CDCA5: variants seen among roughly 807,000 people sequenced by gnomAD.
CDCA5 encodes sororin.
In CDCA5, 14 loss-of-function variants were observed where a neutral mutation model predicts 25.7. The ratio of observed to expected loss-of-function variants is 0.54; its 90% CI spans 0.36 to 0.85. The LOEUF (loss-of-function observed/expected upper bound fraction) is 0.85. Ranked by LOEUF, CDCA5 falls within the 40% of genes least tolerant of loss-of-function variation. The pLI is 0.01. For missense variants in CDCA5, 307 were observed against 324.5 expected (o/e 0.95, Z 0.41); for synonymous variants, 127 against 128.7 (o/e 0.99, Z 0.09).
At chr11:65,077,007 G>C (rs895090252), downstream of CDCA5, among the ~76,000 whole-genome samples, 2 of 152,192 alleles carry the variant, frequency 1.3e-5, no homozygotes, top group African/African-American at 4.8e-5. Context: ...GGCAGGACAG[G>C]CCAGGCGCAG....
intron 4 of CDCA5, 35 bp from the exon 5 acceptor site, chr11:65,079,822 CT>C: frequency 7.1e-7 from 1 of 1,402,946 alleles, no homozygotes; most frequent in Non-Finnish European, 9.4e-7. Context: ...GCCCTCAATA[CT>C]TAGCTGGACT....
intron 1 of CDCA5, among the ~76,000 whole-genome samples, chr11:65,070,893 A>G (rs1435662014): frequency 2.0e-5 from 3 of 151,980 alleles, no homozygotes; most frequent in East Asian, 1.9e-4. Flanking sequence ...CCAAAATGCT[A>G]CAGTGAATGT....
downstream of CDCA5, among the ~76,000 whole-genome samples, chr11:65,076,833 C>G (rs1164271969): frequency 6.6e-6 from 1 of 152,158 alleles, no homozygotes; most frequent in Non-Finnish European, 1.5e-5. Context: ...TCAAAGGAGC[C>G]TGAAAGGGAA....
Position 65,083,919 on chromosome 11 carries a change from C to T in CDCA5, c.46+14G>A. On this transcript the variant is annotated intron_variant, in intron 1 of 5. Transcript: ENST00000275517. Reference sequence around the variant, plus strand: ...ACGGCTCGACCTCACGTCTCCCGCGCGCCCTCCGCTCACCGGAGCGCTGAG... The same window carrying T: ...ACGGCTCGACCTCACGTCTCCCGCGTGCCCTCCGCTCACCGGAGCGCTGAG... 6.2e-7 allele frequency: 1 copy of T among 1,609,624 alleles called. No homozygotes were observed.
chr11:65,081,039 T>G (rs1003048378), intron 4 of CDCA5, among the ~76,000 whole-genome samples: 1 of 152,138 alleles, frequency 6.6e-6, no homozygotes, highest in Admixed American at 6.5e-5. Flanking sequence ...GCAACAACCC[T>G]GAGGCCACAG....
chr11:65,067,971 C>T, intron 3 of CDCA5: 6 of 1,177,302 alleles, frequency 5.1e-6, no homozygotes, highest in Non-Finnish European at 6.8e-6. Flanking sequence ...TTGTGCGTGC[C>T]TGCATGTGCC....
In CDCA5 at chr11:65,067,908, T is replaced by A. The variant is rs1646959303; in HGVS notation, c.269+119A>T. 3.5e-6 allele frequency: 3 copies of A among 867,878 alleles called. No homozygotes were observed. The African/African-American group carries it at 5.2e-5, about 15-fold the overall frequency. 53.8% of individuals were successfully genotyped at this position (867,878 alleles called of 1,614,324 possible). On this transcript the variant is annotated intron_variant, in intron 3 of 6. Coordinates refer to the CDCA5 transcript ENST00000525464. ...GCCAGGACTGAGTCCTAGCCCAGGT[T>A]TGAATGTTTCTGGGTGTGGGGTGGG...
intron 6 of CDCA5, chr11:65,066,512 G>A: frequency 7.8e-7 from 1 of 1,289,266 alleles, no homozygotes; most frequent in Non-Finnish European, 1.0e-6. Flanking sequence ...GCATGGGGCA[G>A]CCGCCTCTTC....
chr11:65,080,136 C>T (rs552760812), intron 4 of CDCA5, among the ~76,000 whole-genome samples: 136 of 152,224 alleles, frequency 8.9e-4, no homozygotes, highest in Non-Finnish European at 1.7e-3. Flanking sequence ...GTGATCCGCC[C>T]GCCTCGGCCT....
At chr11:65,069,388 ACTTGTGGCAGGGGG>A (rs1947299618) in intron 1 of CDCA5, among the ~76,000 whole-genome samples, 1 of 152,002 alleles carries the variant, frequency 6.6e-6, no homozygotes, top group East Asian at 1.9e-4. Context: ...ATCCCCATGG[ACTTGTGGCAGGGGG>A]CTTGTGGCCT....
chr11:65,081,630 G>A (rs953171082), intron 4 of CDCA5, among the ~76,000 whole-genome samples: 2 of 152,194 alleles, frequency 1.3e-5, no homozygotes, highest in East Asian at 1.9e-4. Context: ...GTTCTTAGAG[G>A]GGGGAGAGAA....
rs561180723 is a variant in CDCA5 at position 65,077,494 on chromosome 11, C to T, written c.*1613G>A. On this transcript the variant is annotated 3_prime_UTR_variant, in exon 6 of 6. Coordinates refer to ENST00000275517, the MANE Select transcript of CDCA5 (RefSeq NM_080668.4). The stretch of plus-strand genomic sequence containing the variant: ...CTTTAATCAGGCTTTTTTTCCAACT[C>T]TAAAACAAAATCCCATTTTTTCCTT... The T allele has an allele frequency of 1.2e-5, 12 of 985,426 alleles. No individual in the cohort carries two copies. In the South Asian group the frequency reaches 1.9e-4, roughly 15 times the overall value. 61.0% of individuals were successfully genotyped at this position (985,426 alleles called of 1,614,324 possible).
At chr11:65,061,795 A>C (rs1287991487), downstream of CDCA5, among the ~76,000 whole-genome samples, 426 of 143,306 alleles carry the variant, frequency 3.0e-3, 2 homozygotes, top group African/African-American at 0.01. Context: ...AAAAAAAAAA[A>C]CAAAAAAAAC....
At chr11:65,072,467 G>A (rs924589083), downstream of CDCA5, among the ~76,000 whole-genome samples, 1 of 152,248 alleles carries the variant, frequency 6.6e-6, no homozygotes, top group Admixed American at 6.5e-5. Context: ...ATGGGGACAG[G>A]TGTGAGCCAT....
At chr11:65,074,794 G>C (rs903971993), downstream of CDCA5, among the ~76,000 whole-genome samples, 2 of 150,566 alleles carry the variant, frequency 1.3e-5, no homozygotes, top group African/African-American at 4.9e-5. Flanking sequence ...GGGCATGGTG[G>C]CTCACACCTC....
At chr11:65,068,741 C>T (rs1218772866) in intron 1 of CDCA5, 1 of 353,992 alleles carries the variant, frequency 2.8e-6, no homozygotes, top group Non-Finnish European at 5.5e-6. Context: ...CAGACCCCCT[C>T]AAAGTGAAAG....
At position 65,078,604 on chromosome 11, in the gene CDCA5, A is replaced by T. The variant is rs1366908077; in HGVS notation, c.*503T>A. ...TCTCTCTGGGACTATTTACAGAATC[A>T]AAGGGGAAACCCACGGAACTGAAAA... On this transcript the variant is annotated 3_prime_UTR_variant, in exon 6 of 6. Coordinates refer to ENST00000275517, the MANE Select transcript of CDCA5 (RefSeq NM_080668.4). 3.0e-6 allele frequency: 3 copies of T among 986,552 alleles called. No homozygotes were observed. The African/African-American group carries it at 5.2e-5, about 17-fold the overall frequency. The allele number at this position is 986,552 out of a possible 1,614,324, so 61.1% of individuals were successfully genotyped here.
downstream of CDCA5, among the ~76,000 whole-genome samples, chr11:65,061,482 C>T (rs918060279): frequency 2.6e-5 from 4 of 152,074 alleles, no homozygotes; most frequent in Admixed American, 6.6e-5. Context: ...TGATTATAAC[C>T]GAGCAAAATA....
Position 65,077,964 on chromosome 11 carries a change from C to T in CDCA5, c.*1143G>A, listed in dbSNP as rs150241754. On this transcript the variant is annotated 3_prime_UTR_variant, in exon 6 of 6. Transcript: ENST00000275517. The stretch of plus-strand genomic sequence containing the variant: ...TCGGGGGCAGGGCAGCCTTCAAATC[C>T]ACACTATTGAATCCACACGATGGAA... The T allele has an allele frequency of 1.0e-6, 1 of 985,512 alleles. No individual in the cohort carries two copies. Among genetic ancestry groups the T allele is most frequent in the Non-Finnish European group, 1.2e-6 (1 of 830,030 alleles). 61.0% of individuals were successfully genotyped at this position (985,512 alleles called of 1,614,324 possible). A position where few individuals can be genotyped will look rare whatever the true frequency, so the allele number is the denominator to read the frequency against.
Sources: allele counts gnomAD v4.1 joint callset (sites outside exome capture counted in the v4.1 genomes callset), GRCh38; gene constraint gnomAD v4.1.1; transcripts MANE v1.5; gene names NCBI Gene and HGNC (gene_info 2026-07-23, HGNC 2026-07-21).